The following ZNF140 variants were observed in gnomAD, a reference collection of about 807,000 sequenced individuals.
ZNF140 encodes zinc finger protein 140 (clone pHZ-39).
A neutral mutation model predicts 12.9 loss-of-function variants in ZNF140; 13 were observed. The observed-to-expected ratio is 1.01, with a 90% confidence interval of 0.66 to 1.60. The LOEUF is 1.60. ZNF140 is among the 40% of genes most tolerant of loss of function. The pLI, the probability that ZNF140 is intolerant of heterozygous loss-of-function variation, is 0.00. For synonymous variants in ZNF140, 214 were observed against 186.7 expected (o/e 1.15, Z -1.19); for missense variants, 531 against 548.8 (o/e 0.97, Z 0.32).
At chr12:133,099,557 T>C (rs1427155943) in intron 4 of ZNF140, among the ~76,000 whole-genome samples, 1 of 152,146 alleles carries the variant, frequency 6.6e-6, no homozygotes, top group Non-Finnish European at 1.5e-5. Flanking sequence ...GTGCAGTGGC[T>C]CACACTTGGA....
At chr12:133,081,702 T>A in intron 2 of ZNF140, 1 of 388,626 alleles carries the variant, frequency 2.6e-6, no homozygotes, top group Admixed American at 2.9e-5. Flanking sequence ...TGTTTTAGGG[T>A]GAGAGGGTAG....
Position 133,095,757 on chromosome 12 carries a change from T to C in ZNF140, c.233-9753T>C, listed in dbSNP as rs914602152. On this transcript the variant is annotated intron_variant, in intron 4 of 4. Transcript: ENST00000355557. ...TGAGCAAAAGAATCTATGTCATAAT[T>C]AGGTTTAAGGGAAGGTACTATGCCT... 4.5e-4 allele frequency among the ~76,000 whole-genome samples: 68 copies of C among 151,294 alleles called. 2 individuals carry two copies. The South Asian group carries it at 0.011, about 24-fold the overall frequency.
intron 4 of ZNF140, chr12:133,084,008 C>CA: frequency 3.5e-6 from 1 of 289,374 alleles, no homozygotes; most frequent in Non-Finnish European, 6.7e-6. Context: ...GTTTCACTTA[C>CA]AACTCCATAA....
chr12:133,088,440 CTCTT>C (rs1954753816), intron 4 of ZNF140, among the ~76,000 whole-genome samples: 1 of 152,158 alleles, frequency 6.6e-6, no homozygotes, highest in African/African-American at 2.4e-5. Flanking sequence ...GGCTTGATAG[CTCTT>C]TCTTTTTAGC....
intron 4 of ZNF140, among the ~76,000 whole-genome samples, chr12:133,091,310 A>G (rs1249501766): frequency 6.6e-6 from 1 of 151,148 alleles, no homozygotes; most frequent in Non-Finnish European, 1.5e-5. Flanking sequence ...GCTTGTAAAC[A>G]TTTTGTTAAC....
chr12:133,100,231 TATC>T (rs1955296678), intron 4 of ZNF140, among the ~76,000 whole-genome samples: 1 of 146,660 alleles, frequency 6.8e-6, no homozygotes, highest in Admixed American at 6.9e-5. Context: ...GCAGTGGTGT[TATC>T]ATAGCTCACT....
intron 2 of ZNF140, 191 bp from the exon 3 acceptor site, chr12:133,082,912 C>A: frequency 1.4e-6 from 1 of 693,788 alleles, no homozygotes; most frequent in Non-Finnish European, 2.2e-6. Flanking sequence ...TGTTTTTCTC[C>A]TTTTCTCCAG....
At chr12:133,103,444 T>G (rs1042490187) in intron 4 of ZNF140, among the ~76,000 whole-genome samples, 75 of 147,708 alleles carry the variant, frequency 5.1e-4, no homozygotes, top group Non-Finnish European at 5.6e-4. Context: ...TTTTTTTTTT[T>G]TGGGTAAAGA....
intron 4 of ZNF140, among the ~76,000 whole-genome samples, chr12:133,090,194 C>T (rs1180330297): frequency 2.0e-5 from 3 of 152,100 alleles, no homozygotes; most frequent in Non-Finnish European, 4.4e-5. Flanking sequence ...GGCTGGAATG[C>T]AGTGCCACAA....
intron 4 of ZNF140, among the ~76,000 whole-genome samples, chr12:133,101,538 G>A (rs940688333): frequency 5.9e-5 from 9 of 152,096 alleles, no homozygotes; most frequent in African/African-American, 1.9e-4. Context: ...TCCACCTCCC[G>A]GGTTCACGCC....
chr12:133,085,819 C>T (rs1392045173), intron 4 of ZNF140, among the ~76,000 whole-genome samples: 1 of 152,136 alleles, frequency 6.6e-6, no homozygotes, highest in Non-Finnish European at 1.5e-5. Flanking sequence ...GAGTTGAAGA[C>T]AAGCCTGGGC....
At position 133,105,614 on chromosome 12, in the gene ZNF140, G is replaced by C; in HGVS notation, c.337G>C (p.Val113Leu). The part of the protein sequence containing the change: ...IMERILSQGP[V>L]YSSFKGGWKC... ...GGAAAGAATTCTAAGTCAAGGCCCTGTGTATTCCAGTTTTAAAGGAGGCTG... is the reference window on the plus strand; with the variant it reads ...GGAAAGAATTCTAAGTCAAGGCCCTCTGTATTCCAGTTTTAAAGGAGGCTG... Residue 113 changes from valine to leucine, a missense_variant, in exon 5 of 5, where the codon GTG becomes CTG. Physicochemically the swap from Val to Leu is conservative, Grantham distance 32. Transcript: ENST00000355557. The C allele has an allele frequency of 1.9e-6, 3 of 1,614,118 alleles. No homozygotes were observed. The highest frequency in any genetic ancestry group is 2.5e-6 in the Non-Finnish European group (3 of 1,180,034).
intron 4 of ZNF140, among the ~76,000 whole-genome samples, chr12:133,083,959 C>CA (rs1236461703): frequency 2.9e-3 from 362 of 122,958 alleles, no homozygotes; most frequent in Middle Eastern, 8.8e-3. Flanking sequence ...GACTCCATCT[C>CA]AAAAAAAAAA....
intron 2 of ZNF140, chr12:133,082,334 A>T (rs1450020430): frequency 1.3e-5 from 2 of 152,222 alleles, no homozygotes; most frequent in Non-Finnish European, 2.9e-5. Flanking sequence ...CTTTTTTATT[A>T]AACTTCAAAA....
chr12:133,085,582 G>T (rs1348738979), intron 4 of ZNF140, among the ~76,000 whole-genome samples: 1 of 152,124 alleles, frequency 6.6e-6, no homozygotes, highest in African/African-American at 2.4e-5. Context: ...TGCTTTTATG[G>T]TAAAGTAGCT....
At chr12:133,105,370 C>T in intron 4 of ZNF140, 140 bp from the exon 5 acceptor site, 1 of 810,900 alleles carries the variant, frequency 1.2e-6, no homozygotes, top group Non-Finnish European at 1.9e-6. Flanking sequence ...GCATACTACT[C>T]AGATTTCAGT....
intron 4 of ZNF140, among the ~76,000 whole-genome samples, chr12:133,101,397 A>G (rs943900548): frequency 5.4e-4 from 82 of 152,024 alleles, no homozygotes; most frequent in African/African-American, 1.9e-3. Flanking sequence ...TTCTATTGAG[A>G]TATCTACACA....
At position 133,101,489 on chromosome 12, in the gene ZNF140, G is replaced by A. The variant is rs1260903897; in HGVS notation, c.233-4021G>A. Among the ~76,000 whole-genome samples the A allele has an allele frequency of 3.3e-5, 5 of 152,244 alleles. No individual in the cohort carries two copies. In the East Asian group the frequency reaches 9.6e-4, roughly 29 times the overall value. ...AGATGGAGTCTCGCTCTGTCACCCA[G>A]GCTGGAGTGCAGTGGCGCGATCTCA... On this transcript the variant is annotated intron_variant, in intron 4 of 4. Transcript: ENST00000355557.
chr12:133,083,056 T>C, intron 2 of ZNF140, 47 bp from the exon 3 acceptor site: 2 of 1,613,386 alleles, frequency 1.2e-6, no homozygotes, highest in Non-Finnish European at 1.7e-6. Context: ...ATGAGGGAGT[T>C]TGGGGGCATG....
Sources: gnomAD v4.1 joint callset for allele counts (sites outside exome capture counted in the v4.1 genomes callset) on GRCh38, gnomAD v4.1.1 for gene constraint, MANE v1.5 for transcripts, NCBI Gene and HGNC (gene_info 2026-07-23, HGNC 2026-07-21) for gene names.